Variants in SCARA5 observed in about 807,000 individuals in gnomAD.
The protein encoded by SCARA5 is scavenger receptor class A member 5, also known as scavenger receptor class A, member 5 (putative).
In SCARA5, 45 loss-of-function variants were observed where a neutral mutation model predicts 46.3. The observed-to-expected ratio is 0.97, with a 90% confidence interval of 0.76 to 1.24. The LOEUF (loss-of-function observed/expected upper bound fraction) is 1.24. Ranked by LOEUF, SCARA5 falls within the 50% of genes most tolerant of loss-of-function variation. The pLI is 0.00. For missense variants in SCARA5, 680 were observed against 689.0 expected, an observed-to-expected ratio of 0.99 and a Z score of 0.15; for synonymous variants, 333 against 306.5, an observed-to-expected ratio of 1.09 and a Z score of -0.90.
intron 3 of SCARA5, among the ~76,000 whole-genome samples, chr8:27,947,451 A>G (rs538384640): frequency 2.0e-5 from 3 of 150,656 alleles, no homozygotes; most frequent in Admixed American, 6.7e-5. Flanking sequence ...TATTATTCAC[A>G]GCAGCCGAAA....
chr8:27,965,429 C>G (rs1808354593), intron 3 of SCARA5, among the ~76,000 whole-genome samples: 1 of 152,234 alleles, frequency 6.6e-6, no homozygotes, highest in Non-Finnish European at 1.5e-5. Context: ...CATGCAGCAG[C>G]CGCACCTCCC....
intron 6 of SCARA5, among the ~76,000 whole-genome samples, chr8:27,905,310 G>A (rs907843554): frequency 6.6e-6 from 1 of 152,028 alleles, no homozygotes; most frequent in African/African-American, 2.4e-5. Context: ...CCCAGGATAT[G>A]GCTAAAGAAG....
At chr8:27,963,562 C>G (rs1459382334) in intron 3 of SCARA5, among the ~76,000 whole-genome samples, 1 of 152,118 alleles carries the variant, frequency 6.6e-6, no homozygotes, top group South Asian at 2.1e-4. Context: ...CAGGAGGACA[C>G]TGGTCAGGTT....
At chr8:27,900,081 T>C (rs973389050) in intron 7 of SCARA5, among the ~76,000 whole-genome samples, 3 of 151,464 alleles carry the variant, frequency 2.0e-5, no homozygotes, top group African/African-American at 7.3e-5. Flanking sequence ...GAGGTTGCAG[T>C]GAGCCGAGAT....
At chr8:27,917,704 G>A (rs1585486934) in intron 4 of SCARA5, among the ~76,000 whole-genome samples, 2 of 152,304 alleles carry the variant, frequency 1.3e-5, no homozygotes, top group Non-Finnish European at 2.9e-5. Flanking sequence ...GGTCTTGAAT[G>A]TCTATTTGAG....
intron 3 of SCARA5, among the ~76,000 whole-genome samples, chr8:27,963,732 C>T (rs529239483): frequency 6.6e-6 from 1 of 152,166 alleles, no homozygotes; most frequent in East Asian, 1.9e-4. Context: ...CTATGTGGGG[C>T]TTATAAGACT....
chr8:27,973,306 A>G (rs769566655), intron 2 of SCARA5, among the ~76,000 whole-genome samples: 7 of 151,944 alleles, frequency 4.6e-5, no homozygotes, highest in Non-Finnish European at 7.4e-5. Context: ...AAAAAACCCC[A>G]TCTCTACTAA....
intron 3 of SCARA5, among the ~76,000 whole-genome samples, chr8:27,956,652 AG>A (rs1273638015): frequency 6.6e-6 from 1 of 152,208 alleles, no homozygotes; most frequent in Non-Finnish European, 1.5e-5. Flanking sequence ...AGGTTTTCCT[AG>A]TTCTCAAGCT....
chr8:27,989,032 A>T lies in SCARA5; in HGVS notation c.-15-1402T>A, dbSNP rs192528000. 2.4e-3 allele frequency among the ~76,000 whole-genome samples: 362 copies of T among 151,366 alleles called. 3 individuals carry two copies. The highest frequency in any genetic ancestry group is 8.4e-3 in the African/African-American group (345 of 41,190). On this transcript the variant is annotated intron_variant, in intron 1 of 8. Transcript: ENST00000354914. ...GGCGTGGCAACTTTCATAAATAGAC[A>T]TAATCAGGGAAGGCGGCTGGCGGGG...
intron 4 of SCARA5, among the ~76,000 whole-genome samples, chr8:27,919,860 A>G (rs1807553123): frequency 6.7e-6 from 1 of 150,082 alleles, no homozygotes; most frequent in African/African-American, 2.5e-5. Flanking sequence ...AGATGCCCAC[A>G]TGAGATACAA....
chr8:27,966,448 G>A lies in SCARA5; in HGVS notation c.207C>T (p.Val69=). 6.2e-7 allele frequency: 1 copy of A among 1,613,482 alleles called. No individual in the cohort carries two copies. Residue 69 remains valine (V), a synonymous_variant, in exon 3 of 9, where the codon GTC becomes GTT. Coordinates refer to ENST00000354914, the MANE Select transcript of SCARA5 (RefSeq NM_173833.6). ...KHAVLGLYLL[V]FLILVGIFIL... ...TGAAGATGCCCACAAGAATCAGGAA[G>A]ACCAGCAGGTAGAGCCCCAGGACAG... is the stretch of plus-strand genomic sequence containing the variant.
chr8:27,896,788 G>A (rs1486673296), intron 7 of SCARA5, among the ~76,000 whole-genome samples: 2 of 152,158 alleles, frequency 1.3e-5, no homozygotes, highest in African/African-American at 2.4e-5. Flanking sequence ...TTCAACAAAC[G>A]GCTCCCTAAA....
At chr8:27,972,319 AAAAAC>A (rs1162674096) in intron 2 of SCARA5, among the ~76,000 whole-genome samples, 5 of 106,374 alleles carry the variant, frequency 4.7e-5, no homozygotes, top group Non-Finnish European at 1.0e-4. Flanking sequence ...TCTGTCTCAA[AAAAAC>A]AAAACAAAAC....
rs1441506557 is a variant in SCARA5 at position 27,908,693 on chromosome 8, A to G, written c.997+970T>C. ...CAGCTCCACTGCCACAGAATTATTG[A>G]TCTAGCACAAGCTGTGCCCCAGGCT... On this transcript the variant is annotated intron_variant, in intron 5 of 8. Transcript: ENST00000354914. 4.6e-5 allele frequency among the ~76,000 whole-genome samples: 7 copies of G among 152,140 alleles called. No individual in the cohort carries two copies. The East Asian group carries it at 1.4e-3, about 30-fold the overall frequency.
chr8:27,898,717 A>C (rs1195879394), intron 7 of SCARA5, among the ~76,000 whole-genome samples: 1 of 152,166 alleles, frequency 6.6e-6, no homozygotes, highest in East Asian at 1.9e-4. Context: ...TGAGGTGCTG[A>C]TTGTCAGGGA....
At chr8:27,878,943 G>A (rs1267511563) in intron 8 of SCARA5, among the ~76,000 whole-genome samples, 1 of 152,132 alleles carries the variant, frequency 6.6e-6, no homozygotes, top group Non-Finnish European at 1.5e-5. Context: ...AAGAAGAAAA[G>A]TTAGCTGGAG....
intron 3 of SCARA5, among the ~76,000 whole-genome samples, chr8:27,932,001 T>C (rs1807781948): frequency 6.6e-6 from 1 of 151,440 alleles, no homozygotes; most frequent in Admixed American, 6.6e-5. Context: ...TATTTTACGA[T>C]GGACTCTCAC....
intron 3 of SCARA5, among the ~76,000 whole-genome samples, chr8:27,950,879 G>GGAAAAA (rs1554574401): frequency 5.0e-5 from 7 of 140,998 alleles, no homozygotes; most frequent in African/African-American, 1.8e-4. Context: ...AGCTTTATGG[G>GGAAAAA]AAAAAAAAAA....
intron 3 of SCARA5, among the ~76,000 whole-genome samples, chr8:27,947,758 C>T (rs1407019930): frequency 4.0e-5 from 6 of 151,586 alleles, no homozygotes; most frequent in African/African-American, 1.5e-4. Flanking sequence ...GCCTGTGATC[C>T]CAGCTACTTG....
Sources: allele counts gnomAD v4.1 joint callset (sites outside exome capture counted in the v4.1 genomes callset), GRCh38; gene constraint gnomAD v4.1.1; transcripts MANE v1.5; gene names NCBI Gene and HGNC (gene_info 2026-07-23, HGNC 2026-07-21).